Variants in PPFIA4 observed in about 807,000 individuals in gnomAD.
The protein encoded by PPFIA4 is liprin-alpha-4.
A neutral mutation model predicts 145.7 loss-of-function variants in PPFIA4; 98 were observed. The ratio of observed to expected loss-of-function variants is 0.67; its 90% confidence interval spans 0.57 to 0.80. The LOEUF is 0.80. Among genes scored for constraint, PPFIA4 ranks in the 30% least tolerant of loss-of-function variants. The pLI is 0.00. For missense variants in PPFIA4, 1,457 were observed against 1,632.7 expected (o/e 0.89, Z 1.85); for synonymous variants, 628 against 649.6 (o/e 0.97, Z 0.51).
At chr1:203,036,670 G>C (rs1464441718) in intron 1 of PPFIA4, among the ~76,000 whole-genome samples, 1 of 152,220 alleles carries the variant, frequency 6.6e-6, no homozygotes, top group African/African-American at 2.4e-5. Flanking sequence ...ACCTGGGCAT[G>C]GTGGGTGGGA....
intron 25 of PPFIA4, among the ~76,000 whole-genome samples, chr1:203,066,387 T>C (rs1661732120): frequency 6.6e-6 from 1 of 152,176 alleles, no homozygotes; most frequent in African/African-American, 2.4e-5. Flanking sequence ...CAATTTAATC[T>C]CACAAAGCAG....
intron 9 of PPFIA4, among the ~76,000 whole-genome samples, chr1:203,047,076 G>A (rs1306636690): frequency 6.6e-6 from 1 of 152,166 alleles, no homozygotes; most frequent in Non-Finnish European, 1.5e-5. Flanking sequence ...GCCTCATATG[G>A]GATCTTCGAA....
At chr1:203,059,086 G>A (rs1000369104) in intron 19 of PPFIA4, 92 bp from the exon 20 acceptor site, 20 of 1,009,736 alleles carry the variant, frequency 2.0e-5, no homozygotes, top group Middle Eastern at 2.0e-4. Context: ...CTCTGCCAAG[G>A]AGCCTCCTGC....
intron 15 of PPFIA4, chr1:203,054,254 G>A (rs1220443670): frequency 3.2e-6 from 2 of 618,348 alleles, no homozygotes; most frequent in Non-Finnish European, 5.8e-6. Flanking sequence ...CACTAAGAGT[G>A]TAGCTCCTGC....
Position 203,075,477 on chromosome 1 carries a change from G to A in PPFIA4, c.3394-100G>A. 1.0e-6 allele frequency: 1 copy of A among 998,854 alleles called. No individual in the cohort carries two copies. The highest frequency in any genetic ancestry group is 1.3e-6 in the Non-Finnish European group (1 of 756,876). The allele number at this position is 998,854 out of a possible 1,614,324, so 61.9% of individuals were successfully genotyped here. A position where few individuals can be genotyped will look rare whatever the true frequency, so the allele number is the denominator to read the frequency against. ...TCCCTCTTTCCAAAGGGGTGGGAGT[G>A]GTGCCCCTTGAACCAGCAGCGACTG... On this transcript the variant is annotated intron_variant, in intron 28 of 29. Coordinates refer to ENST00000295706, the MANE Select transcript of PPFIA4 (RefSeq NM_001304331.2). The surrounding 1 kb of genome is among the most constrained non-coding windows in gnomAD (Gnocchi z 4.1).
At chr1:203,034,462 C>A (rs1423657411) in intron 1 of PPFIA4, 1 of 455,796 alleles carries the variant, frequency 2.2e-6, no homozygotes, top group Middle Eastern at 4.0e-4. Context: ...GGCAGCTGGG[C>A]TGCAGGCCCA....
intron 13 of PPFIA4, chr1:203,051,105 G>A: frequency 1.0e-6 from 1 of 980,006 alleles, no homozygotes; most frequent in Non-Finnish European, 1.2e-6. Flanking sequence ...TATCACTAGG[G>A]GAGGCTTCCA....
At chr1:203,045,258 A>G in intron 6 of PPFIA4, 110 bp from the exon 7 acceptor site, 4 of 979,048 alleles carry the variant, frequency 4.1e-6, no homozygotes, top group Non-Finnish European at 6.0e-6. Context: ...TTGGGGGCAG[A>G]GCCTTGACCT....
intron 28 of PPFIA4, among the ~76,000 whole-genome samples, chr1:203,072,640 AGT>A (rs1431913616): frequency 1.3e-5 from 2 of 152,090 alleles, no homozygotes; most frequent in African/African-American, 4.8e-5. Flanking sequence ...GAAAGCCCAG[AGT>A]GTGTGTGTTT....
Position 203,075,747 on chromosome 1 carries a change from C to T in PPFIA4, c.3564C>T (p.Ile1188=). The change falls in exon 29 of 30, where the codon ATC becomes ATT. Residue 1188 remains isoleucine (I), a synonymous_variant. Transcript: ENST00000295706. The surrounding 1 kb of genome is among the most constrained non-coding windows in gnomAD (Gnocchi z 4.1). The stretch of plus-strand genomic sequence containing the variant: ...CCCCACCGGCCCCGCCAAAGAAGAT[C>T]ATGCCTGAAGGTGAGTAACAGGCGG... ...LQPPPAPPKK[I]MPEAHSHYLY... The T allele has an allele frequency of 1.5e-6, 2 of 1,375,580 alleles. No individual in the cohort carries two copies. The highest frequency in any genetic ancestry group is 1.9e-6 in the Non-Finnish European group (2 of 1,058,780). 85.2% of individuals were successfully genotyped at this position (1,375,580 alleles called of 1,614,324 possible).
At chr1:203,054,004 AG>A (rs754562541) in intron 15 of PPFIA4, 43 bp downstream of exon 15, 11 of 1,538,928 alleles carry the variant, frequency 7.1e-6, no homozygotes, top group South Asian at 1.2e-5. Flanking sequence ...ATTGAAGGGC[AG>A]GGGGGCCCTT....
chr1:203,051,532 C>T (rs1007850820), intron 13 of PPFIA4: 56 of 777,030 alleles, frequency 7.2e-5, no homozygotes, highest in Middle Eastern at 7.6e-4. Context: ...TTATGCCAGA[C>T]GGAAAACCGC....
At chr1:203,065,523 C>T (rs890949362) in intron 25 of PPFIA4, among the ~76,000 whole-genome samples, 11 of 152,182 alleles carry the variant, frequency 7.2e-5, no homozygotes, top group African/African-American at 2.4e-4. Flanking sequence ...CCCCGCAACC[C>T]CTCTGCCCCA....
At chr1:203,049,645 T>TC in intron 12 of PPFIA4, 31 bp from the exon 13 acceptor site, 2 of 740,694 alleles carry the variant, frequency 2.7e-6, no homozygotes, top group Middle Eastern at 4.8e-4. Context: ...TGGCCCCCAC[T>TC]CCCGCCCCCA....
Position 203,075,939 on chromosome 1 carries a change from G to T in PPFIA4, c.3574+182G>T, listed in dbSNP as rs1247213556. On this transcript the variant is annotated intron_variant, in intron 29 of 29. Coordinates refer to ENST00000295706, the MANE Select transcript of PPFIA4 (RefSeq NM_001304331.2). The surrounding 1 kb of genome is among the most constrained non-coding windows in gnomAD (Gnocchi z 4.1). ...TGCGCACTAACCCGCCGCTCTGTGT[G>T]TTCTCCCGCGGCTGCCGACTTCTCC... The T allele has an allele frequency of 3.1e-6, 2 of 650,804 alleles. No homozygotes were observed. Among genetic ancestry groups the T allele is most frequent in the Admixed American group, 7.6e-5 (2 of 26,238 alleles). 40.3% of individuals were successfully genotyped at this position (650,804 alleles called of 1,614,324 possible). A position where few individuals can be genotyped will look rare whatever the true frequency, so the allele number is the denominator to read the frequency against.
chr1:203,034,602 C>T (rs759529311), intron 1 of PPFIA4: 6 of 456,280 alleles, frequency 1.3e-5, no homozygotes, highest in East Asian at 1.4e-4. Context: ...GTGGAGCCAG[C>T]TAGGGGCTGG....
intron 19 of PPFIA4, among the ~76,000 whole-genome samples, chr1:203,058,140 ATGCATAATTAGACCTTTC>A (rs2102666767): frequency 6.6e-6 from 1 of 152,304 alleles, no homozygotes; most frequent in East Asian, 1.9e-4. Context: ...TTGGACCCAA[ATGCATAATTAGACCTTTC>A]TGCAGCTCAG....
chr1:203,073,619 C>A (rs561937652), intron 28 of PPFIA4, among the ~76,000 whole-genome samples: 1 of 152,238 alleles, frequency 6.6e-6, no homozygotes, highest in South Asian at 2.1e-4. Flanking sequence ...GATTTTGGTA[C>A]TTAGTGTCCC....
Position 203,077,203 on chromosome 1 carries a change from A to AAGCCCAAAGGGCAGTGGGAATGTCCCCT in PPFIA4, c.*814_*841dup, listed in dbSNP as rs1662605483. 2 of 152,238 alleles carry AAGCCCAAAGGGCAGTGGGAATGTCCCCT rather than the reference A, an allele frequency of 1.3e-5. No homozygotes were observed. Among genetic ancestry groups the AAGCCCAAAGGGCAGTGGGAATGTCCCCT allele is most frequent in the Admixed American group, 6.5e-5 (1 of 15,278 alleles). 9.4% of individuals were successfully genotyped at this position (152,238 alleles called of 1,614,324 possible). A position where few individuals can be genotyped will look rare whatever the true frequency, so the allele number is the denominator to read the frequency against. ...AGAGCCAATGGCCTCTGGTAGCCTT[A>AAGCCCAAAGGGCAGTGGGAATGTCCCCT]AGCCCAAAGGGCAGTGGGAATGTCC... On this transcript the variant is annotated 3_prime_UTR_variant, in exon 30 of 30. Coordinates refer to ENST00000295706, the MANE Select transcript of PPFIA4 (RefSeq NM_001304331.2).
Sources: gnomAD v4.1 joint callset for allele counts (sites outside exome capture counted in the v4.1 genomes callset) on GRCh38, gnomAD v4.1.1 for gene constraint, Gnocchi (gnomAD v3.1) non-coding constraint, MANE v1.5 for transcripts, NCBI Gene and HGNC (gene_info 2026-07-23, HGNC 2026-07-21) for gene names.